The following WDFY1 variants were observed in gnomAD, a reference collection of about 807,000 sequenced individuals.
WDFY1 encodes WD repeat and FYVE domain containing 1.
A neutral mutation model predicts 56.4 loss-of-function variants in WDFY1; 32 were observed. That is an observed-to-expected ratio of 0.57 (90% CI 0.43 to 0.76). WDFY1 has a LOEUF of 0.76. Among genes scored for constraint, WDFY1 ranks in the 30% least tolerant of loss-of-function variants. The probability of loss-of-function intolerance (pLI) is 0.00; values close to 1 mark genes in which losing one functional copy is unlikely to be tolerated. For missense variants in WDFY1, 480 were observed against 545.7 expected (o/e 0.88, Z 1.20); for synonymous variants, 192 against 197.3 (o/e 0.97, Z 0.23).
chr2:223,917,755 AG>A (rs1693812790), intron 2 of WDFY1, among the ~76,000 whole-genome samples, 187 bp downstream of exon 2: 1 of 152,106 alleles, frequency 6.6e-6, no homozygotes. Flanking sequence ...TATTTTTAGT[AG>A]AGACGGGCTT....
intron 1 of WDFY1, among the ~76,000 whole-genome samples, chr2:223,942,109 A>C (rs2106107134): frequency 6.6e-6 from 1 of 152,324 alleles, no homozygotes; most frequent in Non-Finnish European, 1.5e-5. Flanking sequence ...CTTAGTAATC[A>C]CTTTCCAAAA....
chr2:223,884,790 T>C lies in WDFY1; in HGVS notation c.832-41A>G, dbSNP rs148499451. ...GTCAAAGCCACCATCAGTGTGTCTA[T>C]ATTTACTCCCATGTTTCAAAATTAA... On this transcript the variant is annotated intron_variant, in intron 8 of 11. Transcript: ENST00000233055. 445 of 1,550,192 alleles carry C rather than the reference T, an allele frequency of 2.9e-4. 3 individuals are homozygous for C. In the African/African-American group the frequency reaches 5.2e-3, roughly 18 times the overall value.
At chr2:223,919,806 AGTAAAACTGG>A (rs538522114) in intron 1 of WDFY1, among the ~76,000 whole-genome samples, 1 of 152,352 alleles carries the variant, frequency 6.6e-6, no homozygotes, top group South Asian at 2.1e-4. Context: ...GGCCTAGACA[AGTAAAACTGG>A]GTGGTGGGAT....
At chr2:223,941,219 A>T (rs1689298252) in intron 1 of WDFY1, among the ~76,000 whole-genome samples, 1 of 151,874 alleles carries the variant, frequency 6.6e-6, no homozygotes, top group Non-Finnish European at 1.5e-5. Flanking sequence ...GGCCTCCCAA[A>T]GTGCTGGGAT....
chr2:223,910,003 G>A lies in WDFY1; in HGVS notation c.279+2250C>T, dbSNP rs940826368. On this transcript the variant is annotated intron_variant, in intron 3 of 11. Coordinates refer to ENST00000233055, the MANE Select transcript of WDFY1 (RefSeq NM_020830.5). ...AGACCTACAAGACCTTGCATGACCC[G>A]GCCTCTGCCCAATTCTCCAATCGCC... is the stretch of plus-strand genomic sequence containing the variant. Among the ~76,000 whole-genome samples, 9 of 152,060 alleles carry A rather than the reference G, an allele frequency of 5.9e-5. No homozygotes were observed. In the South Asian group the frequency reaches 8.3e-4, roughly 14 times the overall value.
In WDFY1 at chr2:223,875,467, A is replaced by G. The variant is rs1240303371; in HGVS notation, c.*3204T>C. ...GCATCTCTGGGATACACAGGGCACC[A>G]TATCTTATAGAAACATAGCTAGTAC... On this transcript the variant is annotated 3_prime_UTR_variant, in exon 12 of 12. Transcript: ENST00000233055. 5.9e-5 allele frequency: 9 copies of G among 152,146 alleles called. No individual in the cohort carries two copies. Among genetic ancestry groups the G allele is most frequent in the Admixed American group, 5.9e-4 (9 of 15,272 alleles). 9.4% of individuals were successfully genotyped at this position (152,146 alleles called of 1,614,324 possible).
At position 223,878,595 on chromosome 2, in the gene WDFY1, G is replaced by A. The variant is rs573121870; in HGVS notation, c.*76C>T. ...GGCTACTGTCCATTCACGAGACAGC[G>A]CTGTGGAGCTGCGTGAGAGGGACTT... On this transcript the variant is annotated 3_prime_UTR_variant, in exon 12 of 12. Transcript: ENST00000233055. 22 of 1,102,550 alleles carry A rather than the reference G, an allele frequency of 2.0e-5. No homozygotes were observed. Among genetic ancestry groups the A allele is most frequent in the Middle Eastern group, 2.0e-4 (1 of 5,014 alleles). The allele number at this position is 1,102,550 out of a possible 1,614,324, so 68.3% of individuals were successfully genotyped here.
intron 11 of WDFY1, among the ~76,000 whole-genome samples, chr2:223,879,848 C>T (rs1399494166): frequency 6.6e-6 from 1 of 152,088 alleles, no homozygotes; most frequent in African/African-American, 2.4e-5. Context: ...CCCAGGCCAG[C>T]AAGGGAGAAC....
rs140039560 is a variant in WDFY1 at position 223,910,291 on chromosome 2, C to T, written c.279+1962G>A. Among the ~76,000 whole-genome samples the T allele has an allele frequency of 2.8e-3, 432 of 152,096 alleles. 4 individuals carry two copies. Among genetic ancestry groups the T allele is most frequent in the African/African-American group, 0.01 (418 of 41,472 alleles). On this transcript the variant is annotated intron_variant, in intron 3 of 11. Coordinates refer to ENST00000233055, the MANE Select transcript of WDFY1 (RefSeq NM_020830.5). Reference sequence around the variant, plus strand: ...TCAAAGATCTAAATGTAAAGCTAAACTATAAAACTCTCAGAAGAAAATACA... The same window carrying T: ...TCAAAGATCTAAATGTAAAGCTAAATTATAAAACTCTCAGAAGAAAATACA...
rs1045759722 is a variant in WDFY1, at chr2:223,876,080, A to C, written c.*2591T>G. On this transcript the variant is annotated 3_prime_UTR_variant, in exon 12 of 12. Coordinates refer to ENST00000233055, the MANE Select transcript of WDFY1 (RefSeq NM_020830.5). ...GAATAATTTGTTTCTACCTAATGCT[A>C]TAGGGGTATTGCTATCATTTGAACT... 2.6e-5 allele frequency: 4 copies of C among 152,376 alleles called. No individual in the cohort carries two copies. The highest frequency in any genetic ancestry group is 9.7e-5 in the African/African-American group (4 of 41,448). The allele number at this position is 152,376 out of a possible 1,614,324, so 9.4% of individuals were successfully genotyped here.
intron 3 of WDFY1, among the ~76,000 whole-genome samples, chr2:223,910,121 T>G (rs1020353431): frequency 6.6e-6 from 1 of 151,764 alleles, no homozygotes; most frequent in Admixed American, 6.6e-5. Flanking sequence ...TGGCTGGCTC[T>G]GTGACAAAGA....
intron 7 of WDFY1, among the ~76,000 whole-genome samples, chr2:223,894,652 AC>A (rs1693330646): frequency 1.3e-5 from 2 of 152,186 alleles, no homozygotes; most frequent in Non-Finnish European, 2.9e-5. Flanking sequence ...CATAAGATTT[AC>A]CTACTTGTTC....
intron 3 of WDFY1, among the ~76,000 whole-genome samples, chr2:223,910,362 T>C (rs1348261714): frequency 1.3e-5 from 2 of 151,784 alleles, no homozygotes; most frequent in Non-Finnish European, 2.9e-5. Context: ...ATAAATGACC[T>C]TGGATTAGGC....
intron 1 of WDFY1, among the ~76,000 whole-genome samples, chr2:223,933,597 G>A (rs1391516267): frequency 6.6e-6 from 1 of 151,872 alleles, no homozygotes; most frequent in East Asian, 1.9e-4. Flanking sequence ...GAGGTGGGAG[G>A]ATCACTTGAG....
intron 1 of WDFY1, among the ~76,000 whole-genome samples, chr2:223,938,826 C>CA (rs1022899382): frequency 2.6e-4 from 35 of 137,082 alleles, no homozygotes; most frequent in East Asian, 1.0e-3. Context: ...CAGAAGGTGA[C>CA]AAAAAAAAAG....
At chr2:223,917,813 C>T in intron 2 of WDFY1, 130 bp downstream of exon 2, 1 of 954,830 alleles carries the variant, frequency 1.0e-6, no homozygotes, top group Non-Finnish European at 1.6e-6. Context: ...CCCAGGTGAT[C>T]TACCCGCCTT....
chr2:223,890,619 A>G (rs1693253563), intron 8 of WDFY1, among the ~76,000 whole-genome samples: 1 of 152,182 alleles, frequency 6.6e-6, no homozygotes, highest in African/African-American at 2.4e-5. Context: ...TTGTGCTGAG[A>G]AGAGCAAGAG....
At chr2:223,941,024 G>A (rs1345390376) in intron 1 of WDFY1, among the ~76,000 whole-genome samples, 2 of 152,166 alleles carry the variant, frequency 1.3e-5, no homozygotes, top group Non-Finnish European at 2.9e-5. Context: ...GTTTCTCCAT[G>A]TTGGTCAGGC....
At chr2:223,885,825 C>T (rs1029077035) in intron 8 of WDFY1, among the ~76,000 whole-genome samples, 3 of 151,946 alleles carry the variant, frequency 2.0e-5, no homozygotes, top group African/African-American at 7.2e-5. Flanking sequence ...TTCCCAGCCA[C>T]AGCAGCACGT....
Sources: gnomAD v4.1 joint callset for allele counts (sites outside exome capture counted in the v4.1 genomes callset) on GRCh38, gnomAD v4.1.1 for gene constraint, MANE v1.5 for transcripts, NCBI Gene and HGNC (gene_info 2026-07-23, HGNC 2026-07-21) for gene names.